FAM135B: variants seen among roughly 807,000 people sequenced by gnomAD.
The protein encoded by FAM135B is protein FAM135B.
FAM135B carries 43 observed loss-of-function variants against 127.7 expected under a neutral mutation model. The observed-to-expected ratio is 0.34, with a 90% CI of 0.26 to 0.43. FAM135B has a LOEUF of 0.43. Ranked by LOEUF, FAM135B falls within the 20% of genes least tolerant of loss-of-function variation. The pLI, the probability that FAM135B is intolerant of heterozygous loss-of-function variation, is 1.00. For synonymous variants in FAM135B, 670 were observed against 665.1 expected (o/e 1.01, Z -0.11); for missense variants, 1,558 against 1,725.6 (o/e 0.90, Z 1.72).
In FAM135B at chr8:138,217,428, A is replaced by T. The variant is rs1003311940; in HGVS notation, c.670-19759T>A. On this transcript the variant is annotated intron_variant, in intron 7 of 19. Coordinates refer to ENST00000395297, the MANE Select transcript of FAM135B (RefSeq NM_015912.4). Reference sequence around the variant, plus strand: ...AGGCTATTCATTTGTTCTCTGATATATTTCTTTTTTTTTTTTTTTTGAGAT... The same window carrying T: ...AGGCTATTCATTTGTTCTCTGATATTTTTCTTTTTTTTTTTTTTTTGAGAT... 1.2e-3 allele frequency among the ~76,000 whole-genome samples: 141 copies of T among 114,910 alleles called. 1 individual carries two copies. Among genetic ancestry groups the T allele is most frequent in the African/African-American group, 4.9e-3 (139 of 28,224 alleles). 75.4% of individuals were successfully genotyped at this position (114,910 alleles called of 152,430 possible).
At position 138,141,151 on chromosome 8, in the gene FAM135B, G is replaced by C. The variant is rs1434248152; in HGVS notation, c.3790+47C>G. On this transcript the variant is annotated intron_variant, in intron 17 of 19. Transcript: ENST00000395297. This position sits in a 1 kb window ranked among gnomAD's most constrained non-coding sequence, Gnocchi z 4.7. ...CCTGTGCCCGGTTTCACGCCCCAGA[G>C]GCCCCAGATTAATTCTGAGGAATGA... 1 of 1,588,290 alleles carries C rather than the reference G, an allele frequency of 6.3e-7. No individual in the cohort carries two copies. Among genetic ancestry groups the C allele is most frequent in the Non-Finnish European group, 8.6e-7 (1 of 1,159,506 alleles).
intron 1 of FAM135B, among the ~76,000 whole-genome samples, chr8:138,424,879 C>T (rs1374648280): frequency 6.6e-6 from 1 of 152,078 alleles, no homozygotes; most frequent in Non-Finnish European, 1.5e-5. Flanking sequence ...TTTTTTGAAC[C>T]ATCCATCACA....
intron 2 of FAM135B, among the ~76,000 whole-genome samples, chr8:138,336,748 C>G (rs896579887): frequency 1.3e-5 from 2 of 152,200 alleles, no homozygotes; most frequent in Non-Finnish European, 2.9e-5. Context: ...TCCTCCCTAA[C>G]TCATTTTATG....
chr8:138,178,347 T>C (rs1167740781), intron 10 of FAM135B, among the ~76,000 whole-genome samples, 188 bp downstream of exon 10: 1 of 152,192 alleles, frequency 6.6e-6, no homozygotes, highest in African/African-American at 2.4e-5. Context: ...GCAAGTATTC[T>C]ATGAATGACA....
At chr8:138,400,756 C>T (rs1231170060) in intron 1 of FAM135B, among the ~76,000 whole-genome samples, 2 of 152,166 alleles carry the variant, frequency 1.3e-5, no homozygotes, top group African/African-American at 2.4e-5. Flanking sequence ...TCACTCTACA[C>T]GTAGGGAAGT....
chr8:138,414,992 C>T (rs112506977), intron 1 of FAM135B, among the ~76,000 whole-genome samples: 7 of 152,252 alleles, frequency 4.6e-5, no homozygotes, highest in African/African-American at 1.7e-4. Context: ...GAAGTAGCAA[C>T]TCGGGATAAG....
intron 1 of FAM135B, among the ~76,000 whole-genome samples, chr8:138,450,038 C>A (rs931172240): frequency 6.6e-6 from 1 of 152,228 alleles, no homozygotes; most frequent in Non-Finnish European, 1.5e-5. Flanking sequence ...TCTCTACCTG[C>A]TGACAACCAC....
At chr8:138,161,381 C>T (rs996018709) in intron 12 of FAM135B, among the ~76,000 whole-genome samples, 6 of 147,916 alleles carry the variant, frequency 4.1e-5, no homozygotes, top group Non-Finnish European at 5.9e-5. Flanking sequence ...CTCTCTGCCT[C>T]CCTCCTTTCT....
At chr8:138,232,033 A>C (rs2130222207) in intron 7 of FAM135B, among the ~76,000 whole-genome samples, 1 of 152,362 alleles carries the variant, frequency 6.6e-6, no homozygotes, top group East Asian at 1.9e-4. Flanking sequence ...TAAGAAAAGA[A>C]GAAGAAACAA....
intron 1 of FAM135B, among the ~76,000 whole-genome samples, chr8:138,489,401 C>T (rs979089496): frequency 3.9e-5 from 6 of 152,074 alleles, no homozygotes; most frequent in Non-Finnish European, 7.3e-5. Flanking sequence ...CTCCTGTCTC[C>T]GTCTCTATTA....
At chr8:138,182,315 C>G (rs753983350) in intron 9 of FAM135B, among the ~76,000 whole-genome samples, 4 of 152,154 alleles carry the variant, frequency 2.6e-5, no homozygotes, top group African/African-American at 9.7e-5. Flanking sequence ...TCACAGATGG[C>G]GAGCTTGGAA....
intron 1 of FAM135B, among the ~76,000 whole-genome samples, chr8:138,406,806 C>T (rs1587371433): frequency 6.6e-6 from 1 of 150,512 alleles, no homozygotes; most frequent in African/African-American, 2.5e-5. Context: ...CAAAATCATA[C>T]TGAATGGGCA....
At chr8:138,261,651 C>T (rs898434605) in intron 4 of FAM135B, among the ~76,000 whole-genome samples, 1 of 152,206 alleles carries the variant, frequency 6.6e-6, no homozygotes, top group African/African-American at 2.4e-5. Flanking sequence ...ACACACACTA[C>T]CTCCAGACTC....
At chr8:138,359,946 G>A (rs143009119) in intron 2 of FAM135B, among the ~76,000 whole-genome samples, 110 of 152,262 alleles carry the variant, frequency 7.2e-4, no homozygotes, top group South Asian at 1.5e-3. Flanking sequence ...ATTTCTATGA[G>A]CCTTCACACT....
intron 9 of FAM135B, among the ~76,000 whole-genome samples, chr8:138,183,130 G>A (rs371662182): frequency 3.3e-5 from 5 of 151,678 alleles, no homozygotes; most frequent in African/African-American, 1.2e-4. Flanking sequence ...GTGGGGGGGC[G>A]GTCTAAGAAT....
At chr8:138,417,694 G>A (rs543379629) in intron 1 of FAM135B, among the ~76,000 whole-genome samples, 40 of 152,276 alleles carry the variant, frequency 2.6e-4, no homozygotes, top group African/African-American at 9.4e-4. Context: ...AGTGCACACA[G>A]CCCAAGAGTG....
chr8:138,271,699 G>A lies in FAM135B; in HGVS notation c.158-5857C>T, dbSNP rs369647810. Among the ~76,000 whole-genome samples the A allele has an allele frequency of 4.6e-4, 70 of 152,086 alleles. No homozygotes were observed. The East Asian group carries it at 0.011, about 25-fold the overall frequency. On this transcript the variant is annotated intron_variant, in intron 3 of 19. Coordinates refer to ENST00000395297, the MANE Select transcript of FAM135B (RefSeq NM_015912.4). ...GCTAATTTAAAATTCTGATTGAGGC[G>A]GCAAATTATGTAAAACAAACTGAGT...
intron 3 of FAM135B, among the ~76,000 whole-genome samples, chr8:138,299,023 G>A (rs1360361331): frequency 1.3e-5 from 2 of 150,542 alleles, no homozygotes; most frequent in African/African-American, 4.9e-5. Context: ...TCGCGCCACC[G>A]CACTCCAGCC....
chr8:138,396,919 A>G (rs1200324511), intron 1 of FAM135B, among the ~76,000 whole-genome samples: 1 of 152,210 alleles, frequency 6.6e-6, no homozygotes, highest in Non-Finnish European at 1.5e-5. Context: ...CATAAGACAA[A>G]TGTGGCTCAT....
Sources: allele counts gnomAD v4.1 joint callset (sites outside exome capture counted in the v4.1 genomes callset), GRCh38; gene constraint gnomAD v4.1.1; non-coding constraint Gnocchi (gnomAD v3.1); transcripts MANE v1.5; gene names NCBI Gene and HGNC (gene_info 2026-07-23, HGNC 2026-07-21).